The following HMGCS2 variants were observed in gnomAD, a reference collection of about 807,000 sequenced individuals.
HMGCS2 encodes 3-hydroxy-3-methylglutaryl-CoA synthase 2.
A neutral mutation model predicts 57.4 loss-of-function variants in HMGCS2; 50 were observed. The ratio of observed to expected loss-of-function variants is 0.87; its 90% CI spans 0.69 to 1.10. HMGCS2 has a LOEUF of 1.10. Among genes scored for constraint, HMGCS2 ranks in the 50% least tolerant of loss-of-function variants. The probability of loss-of-function intolerance (pLI) is 0.00; values close to 1 mark genes in which losing one functional copy is unlikely to be tolerated. For missense variants in HMGCS2, 627 were observed against 636.5 expected (o/e 0.99, Z 0.16); for synonymous variants, 254 against 245.1 (o/e 1.04, Z -0.34).
intron 5 of HMGCS2, among the ~76,000 whole-genome samples, chr1:119,756,135 T>C (rs1347378224): frequency 6.6e-6 from 1 of 152,212 alleles, no homozygotes; most frequent in Admixed American, 6.5e-5. Flanking sequence ...TCAAAACACC[T>C]GATCCATTTA....
At chr1:119,765,778 G>A (rs767990152) in intron 1 of HMGCS2, among the ~76,000 whole-genome samples, 2 of 151,976 alleles carry the variant, frequency 1.3e-5, no homozygotes, top group Non-Finnish European at 2.9e-5. Flanking sequence ...TTCTACACAA[G>A]AACATACCCA....
chr1:119,768,926 A>G, upstream of HMGCS2: 1 of 981,560 alleles, frequency 1.0e-6, no homozygotes, highest in Admixed American at 2.0e-5. Flanking sequence ...GCCCGGCAGG[A>G]CTTTATAAAG....
At chr1:119,762,266 A>G (rs1338293640) in intron 2 of HMGCS2, among the ~76,000 whole-genome samples, 1 of 152,228 alleles carries the variant, frequency 6.6e-6, no homozygotes, top group Non-Finnish European at 1.5e-5. Context: ...ACAATGTTTA[A>G]AATGGAATAG....
Position 119,748,398 on chromosome 1 carries a change from T to C in HMGCS2, c.*449A>G, listed in dbSNP as rs1652528706. The C allele has an allele frequency of 6.6e-6, 1 of 152,238 alleles. No homozygotes were observed. The highest frequency in any genetic ancestry group is 2.4e-5 in the African/African-American group (1 of 41,460). The allele number at this position is 152,238 out of a possible 1,614,324, so 9.4% of individuals were successfully genotyped here. On this transcript the variant is annotated 3_prime_UTR_variant, in exon 10 of 10. Coordinates refer to ENST00000369406, the MANE Select transcript of HMGCS2 (RefSeq NM_005518.4). ...GAATCATTTCCTCTTTCTCTCTTTT[T>C]AATTGCTATATATTAGCTTAGAACA...
chr1:119,764,169 T>C lies in HMGCS2; in HGVS notation c.559+3A>G, dbSNP rs762625692. The C allele has an allele frequency of 6.2e-7, 1 of 1,612,730 alleles. No homozygotes were observed. The highest frequency in any genetic ancestry group is 1.1e-5 in the South Asian group (1 of 91,024). On this transcript the variant is annotated splice_donor_region_variant and intron_variant, in intron 2 of 9. Transcript: ENST00000369406. ...CTTACATAAGGTTCGTGGCCGTACA[T>C]ACCATCCCAGGAACTGGACTCCATC...
At chr1:119,757,954 A>G (rs1455275469) in intron 4 of HMGCS2, among the ~76,000 whole-genome samples, 1 of 152,278 alleles carries the variant, frequency 6.6e-6, no homozygotes, top group Non-Finnish European at 1.5e-5. Context: ...AAATGCCACA[A>G]GAATTCAGAG....
At chr1:119,752,998 C>A (rs1057061571) in intron 7 of HMGCS2, among the ~76,000 whole-genome samples, 3 of 152,174 alleles carry the variant, frequency 2.0e-5, no homozygotes, top group African/African-American at 7.2e-5. Context: ...ATCAAACCAC[C>A]ATTACCTCTT....
intron 1 of HMGCS2, among the ~76,000 whole-genome samples, chr1:119,765,086 A>G (rs181822384): frequency 2.6e-5 from 4 of 152,198 alleles, no homozygotes; most frequent in Non-Finnish European, 4.4e-5. Flanking sequence ...TTGGAACTAA[A>G]TCTTTTTTTT....
At chr1:119,768,458 G>A (rs1653311408) in intron 1 of HMGCS2, among the ~76,000 whole-genome samples, 1 of 152,086 alleles carries the variant, frequency 6.6e-6, no homozygotes, top group Admixed American at 6.5e-5. Flanking sequence ...GCTGTGGCCT[G>A]GTACTGATAT....
chr1:119,757,422 G>A lies in HMGCS2; in HGVS notation c.867C>T (p.Pro289=), dbSNP rs1652877239. The A allele has an allele frequency of 6.2e-7, 1 of 1,614,096 alleles. No homozygotes were observed. Among genetic ancestry groups the A allele is most frequent in the Non-Finnish European group, 8.5e-7 (1 of 1,179,938 alleles). Residue 289 remains proline (P), a synonymous_variant, in exon 5 of 10, where the codon CCC becomes CCT. Coordinates refer to ENST00000369406, the MANE Select transcript of HMGCS2 (RefSeq NM_005518.4). The part of the protein sequence containing the change: ...NQWKQAGSDR[P]FTLDDLQYMI... ...TGTACTGTAAATCGTCAAGGGTGAA[G>A]GGTCGATCGCTGCCAGCTGGAAGAG... is the stretch of plus-strand genomic sequence containing the variant.
chr1:119,755,389 G>A (rs774857653), intron 6 of HMGCS2, 38 bp downstream of exon 6: 1 of 1,600,660 alleles, frequency 6.2e-7, no homozygotes, highest in Non-Finnish European at 8.6e-7. Flanking sequence ...GAGGCTGAGG[G>A]TGTGCATGGA....
intron 9 of HMGCS2, among the ~76,000 whole-genome samples, chr1:119,749,961 T>G (rs1652596311): frequency 6.6e-6 from 1 of 152,228 alleles, no homozygotes; most frequent in Admixed American, 6.5e-5. Context: ...TCATATAAGA[T>G]TCTTATTTTT....
chr1:119,751,425 G>A (rs1199188219), intron 8 of HMGCS2, among the ~76,000 whole-genome samples: 1 of 150,138 alleles, frequency 6.7e-6, no homozygotes, highest in African/African-American at 2.5e-5. Context: ...AGAGTGTGGT[G>A]GTGTGATCTC....
Position 119,768,726 on chromosome 1 carries a change from C to T in HMGCS2, c.104+15G>A. The T allele has an allele frequency of 6.3e-7, 1 of 1,581,814 alleles. No homozygotes were observed. The highest frequency in any genetic ancestry group is 2.2e-5 in the East Asian group (1 of 44,742). On this transcript the variant is annotated intron_variant, in intron 1 of 9. Coordinates refer to ENST00000369406, the MANE Select transcript of HMGCS2 (RefSeq NM_005518.4). The stretch of plus-strand genomic sequence containing the variant: ...CTTTTACTAGTTACAAGGTGCTTCT[C>T]AGAAAGTGACTCACCTTTGGTGGGC...
At chr1:119,760,777 C>A (rs1653010494) in intron 2 of HMGCS2, among the ~76,000 whole-genome samples, 1 of 152,052 alleles carries the variant, frequency 6.6e-6, no homozygotes, top group African/African-American at 2.4e-5. Context: ...TGAGGAAGCT[C>A]CCAGTATTCA....
chr1:119,764,213 AG>A lies in HMGCS2; in HGVS notation c.517del (p.Leu173SerfsTer45). 2 of 1,613,876 alleles carry A rather than the reference AG, an allele frequency of 1.2e-6. No homozygotes were observed. The highest frequency in any genetic ancestry group is 4.5e-5 in the East Asian group (2 of 44,884). On this transcript the variant is annotated frameshift_variant, in exon 2 of 10. Coordinates refer to ENST00000369406, the MANE Select transcript of HMGCS2 (RefSeq NM_005518.4). LOFTEE classifies it high-confidence loss of function. ...TNACYGGTASLFNAANWMESS... is the reference protein window; with the variant it reads ...TNACYGGTASXFNAANWMESS... Reference sequence around the variant, plus strand: ...CTCCATCCAGTTGGCAGCATTGAAGAGGGAGGCAGTACCACCGTAGCAGGCA... The same window carrying A: ...CTCCATCCAGTTGGCAGCATTGAAGAGGAGGCAGTACCACCGTAGCAGGCA...
rs748587465 is a variant in HMGCS2, at chr1:119,757,372, T to G, written c.917A>C (p.Lys306Thr). The stretch of plus-strand genomic sequence containing the variant: ...GCGAGCCAGAGACTTCTGGACCATC[T>G]TGCAAAAGGGTGTATGAAAGATCAT... ...QYMIFHTPFC[K>T]MVQKSLARLM... The change falls in exon 5 of 10, where the codon AAG becomes ACG. Residue 306 changes from lysine (K) to threonine (T), a missense_variant. By Grantham distance (78) the Lys-to-Thr change is moderately conservative (BLOSUM62 -1). Coordinates refer to ENST00000369406, the MANE Select transcript of HMGCS2 (RefSeq NM_005518.4). 6.2e-7 allele frequency: 1 copy of G among 1,614,078 alleles called. No individual in the cohort carries two copies. Among genetic ancestry groups the G allele is most frequent in the African/African-American group, 1.3e-5 (1 of 74,928 alleles).
chr1:119,752,772 C>T (rs1240161926), intron 7 of HMGCS2, 98 bp from the exon 8 acceptor site: 4 of 1,381,698 alleles, frequency 2.9e-6, no homozygotes, highest in Non-Finnish European at 4.1e-6. Flanking sequence ...TGGGAGGTTA[C>T]ACCCTGGAGG....
At position 119,765,093 on chromosome 1, in the gene HMGCS2, T is replaced by C. The variant is rs1653180017; in HGVS notation, c.105-467A>G. ...TAATATAGTTGGAACTAAATCTTTT[T>C]TTTTCTCTTTTTTGAGACGGAGTCT... On this transcript the variant is annotated intron_variant, in intron 1 of 9. Transcript: ENST00000369406. Among the ~76,000 whole-genome samples, 4 of 152,324 alleles carry C rather than the reference T, an allele frequency of 2.6e-5. No homozygotes were observed. The South Asian group carries it at 8.3e-4, about 32-fold the overall frequency.
Sources: allele counts gnomAD v4.1 joint callset (sites outside exome capture counted in the v4.1 genomes callset), GRCh38; gene constraint gnomAD v4.1.1; transcripts MANE v1.5; gene names NCBI Gene and HGNC (gene_info 2026-07-23, HGNC 2026-07-21).